ELAVL4: variants seen among roughly 807,000 people sequenced by gnomAD.
ELAVL4 encodes the protein ELAV-like protein 4.
In ELAVL4, 1 loss-of-function variant was observed where a neutral mutation model predicts 35.6. The observed-to-expected ratio is 0.03, with a 90% CI of 0.01 to 0.13. ELAVL4 has a LOEUF of 0.13. ELAVL4 is among the 10% of genes least tolerant of loss of function. The pLI is 1.00. For missense variants in ELAVL4, 267 were observed against 464.9 expected, an observed-to-expected ratio of 0.57 and a Z score of 3.91; for synonymous variants, 156 against 171.0, an observed-to-expected ratio of 0.91 and a Z score of 0.69.
chr1:50,144,295 G>C (rs1049234839), intron 1 of ELAVL4, among the ~76,000 whole-genome samples: 1 of 152,140 alleles, frequency 6.6e-6, no homozygotes, highest in East Asian at 1.9e-4. Context: ...TGGAGACCTA[G>C]AGAAAAGTTT....
chr1:50,067,344 A>G (rs1234169730), intron 1 of ELAVL4, among the ~76,000 whole-genome samples: 1 of 152,194 alleles, frequency 6.6e-6, no homozygotes. Context: ...CTGCAGAGGA[A>G]CAAGTAGGGA....
intron 1 of ELAVL4, among the ~76,000 whole-genome samples, chr1:50,133,619 GAAAGAAAGAAAGA>G (rs754147496): frequency 1.4e-5 from 2 of 144,632 alleles, no homozygotes; most frequent in Non-Finnish European, 3.0e-5. Context: ...AAGAAAGAAA[GAAAGAAAGAAAGA>G]AAGAAAGAAA....
At position 50,177,201 on chromosome 1, in the gene ELAVL4, T is replaced by C. The variant is rs1409200567; in HGVS notation, c.354+9T>C. On this transcript the variant is annotated intron_variant, in intron 3 of 6. Coordinates refer to ENST00000371824, the MANE Select transcript of ELAVL4 (RefSeq NM_001144774.3). ...AGACCAAAACCATAAAGGTAAGAGGTGATGTGCTGGCTCCTGATTCAGGAG... is the reference window on the plus strand; with the variant it reads ...AGACCAAAACCATAAAGGTAAGAGGCGATGTGCTGGCTCCTGATTCAGGAG... 1.2e-6 allele frequency: 2 copies of C among 1,603,824 alleles called. No homozygotes were observed. The highest frequency in any genetic ancestry group is 1.3e-5 in the African/African-American group (1 of 74,628).
At chr1:50,155,692 G>T (rs2148731118) in intron 2 of ELAVL4, among the ~76,000 whole-genome samples, 1 of 152,252 alleles carries the variant, frequency 6.6e-6, no homozygotes, top group Middle Eastern at 3.4e-3. Context: ...TCTCCCTTCA[G>T]ACCCCAAGGC....
intron 1 of ELAVL4, among the ~76,000 whole-genome samples, chr1:50,117,718 C>T (rs2148572132): frequency 6.6e-6 from 1 of 152,266 alleles, no homozygotes; most frequent in Admixed American, 6.5e-5. Flanking sequence ...GTCTGTCAGT[C>T]TTTCTGTCCC....
intron 1 of ELAVL4, among the ~76,000 whole-genome samples, chr1:50,073,824 A>ACT (rs71059573): frequency 1 from 151,849 of 152,348 alleles, 75,677 homozygotes; most frequent in Middle Eastern, 1. Flanking sequence ...ATGCACAAAG[A>ACT]CTAAGTGCAT....
upstream of ELAVL4, among the ~76,000 whole-genome samples, chr1:50,103,430 T>C (rs1427990852): frequency 1.3e-5 from 2 of 150,344 alleles, no homozygotes; most frequent in African/African-American, 4.9e-5. Flanking sequence ...TTCTACATGA[T>C]AAAGAAAAAA....
chr1:50,132,469 G>A (rs899694049), intron 1 of ELAVL4, among the ~76,000 whole-genome samples: 7 of 152,188 alleles, frequency 4.6e-5, no homozygotes, highest in Admixed American at 6.5e-5. Flanking sequence ...TTCACTCCCT[G>A]ATCCAGGGAA....
At chr1:50,107,794 A>G (rs1248116838), upstream of ELAVL4, among the ~76,000 whole-genome samples, 1 of 152,222 alleles carries the variant, frequency 6.6e-6, no homozygotes, top group Admixed American at 6.5e-5. Context: ...TTCTCAGGTA[A>G]GCCACTTAAA....
upstream of ELAVL4, chr1:50,103,960 T>A (rs1362886121): frequency 6.2e-7 from 1 of 1,613,856 alleles, no homozygotes; most frequent in East Asian, 2.2e-5. Context: ...GGAACTGCCC[T>A]AATCGACTGA....
chr1:50,079,060 A>C (rs573272374), intron 1 of ELAVL4, among the ~76,000 whole-genome samples: 1 of 152,202 alleles, frequency 6.6e-6, no homozygotes, highest in East Asian at 1.9e-4. Context: ...TTGCCATCTA[A>C]GATGTTCAGT....
At chr1:50,088,972 A>C (rs528082238) in intron 1 of ELAVL4, among the ~76,000 whole-genome samples, 1 of 152,198 alleles carries the variant, frequency 6.6e-6, no homozygotes, top group Non-Finnish European at 1.5e-5. Context: ...GAGTCTAGCA[A>C]TAGCCCCATT....
At chr1:50,102,537 G>A (rs1666043217), upstream of ELAVL4, among the ~76,000 whole-genome samples, 1 of 151,102 alleles carries the variant, frequency 6.6e-6, no homozygotes, top group Admixed American at 6.6e-5. Flanking sequence ...ATTAGTTACA[G>A]AATTATAAAT....
At position 50,071,232 on chromosome 1, in the gene ELAVL4, T is replaced by A. The variant is rs377384982; in HGVS notation, c.18+23050T>A. On this transcript the variant is annotated intron_variant, in intron 1 of 6. Coordinates refer to the ELAVL4 transcript ENST00000448907. ...TATACTACTTATTGCTATCTAAAACTATTTTAATTTTTTATTACTTGTTTG... is the reference window on the plus strand; with the variant it reads ...TATACTACTTATTGCTATCTAAAACAATTTTAATTTTTTATTACTTGTTTG... Among the ~76,000 whole-genome samples, 125 of 152,354 alleles carry A rather than the reference T, an allele frequency of 8.2e-4. 1 individual carries two copies. In the South Asian group the frequency reaches 0.014, roughly 17 times the overall value.
chr1:50,154,307 A>G (rs1318725925), intron 2 of ELAVL4, among the ~76,000 whole-genome samples: 1 of 152,208 alleles, frequency 6.6e-6, no homozygotes, highest in African/African-American at 2.4e-5. Context: ...CAGACTTCCC[A>G]TGGCGTCTGT....
At chr1:50,114,093 A>G (rs941746660) in intron 1 of ELAVL4, among the ~76,000 whole-genome samples, 4 of 152,084 alleles carry the variant, frequency 2.6e-5, no homozygotes, top group Admixed American at 6.6e-5. Context: ...TAGTAACCAA[A>G]CACCTTTCTT....
intron 2 of ELAVL4, chr1:50,175,761 A>G (rs1679918305): frequency 6.6e-6 from 1 of 152,234 alleles, no homozygotes; most frequent in Admixed American, 6.5e-5. Context: ...ACACAAACAC[A>G]GACATTTACC....
exon 1 of ELAVL4, chr1:50,048,146 G>T (rs769800117): frequency 1.3e-6 from 2 of 1,520,002 alleles, no homozygotes; most frequent in South Asian, 2.5e-5. Context: ...GCCTCGGGCC[G>T]GATCGCCCGG....
chr1:50,065,759 T>C (rs1664228767), intron 1 of ELAVL4, among the ~76,000 whole-genome samples: 1 of 152,216 alleles, frequency 6.6e-6, no homozygotes, highest in Non-Finnish European at 1.5e-5. Context: ...TATTCTTATG[T>C]TTTAGTCAGC....
Sources: allele counts gnomAD v4.1 joint callset (sites outside exome capture counted in the v4.1 genomes callset), GRCh38; gene constraint gnomAD v4.1.1; transcripts MANE v1.5; gene names NCBI Gene and HGNC (gene_info 2026-07-23, HGNC 2026-07-21).